The following RAP1GDS1 variants were observed in gnomAD, a reference collection of about 807,000 sequenced individuals.
The protein encoded by RAP1GDS1 is Rap1 GTPase-GDP dissociation stimulator 1.
A neutral mutation model predicts 71.1 loss-of-function variants in RAP1GDS1; 35 were observed. That is an observed-to-expected ratio of 0.49 (90% CI 0.38 to 0.65). The LOEUF is 0.65. Among genes scored for constraint, RAP1GDS1 ranks in the 30% least tolerant of loss-of-function variants. RAP1GDS1 has a pLI of 0.00. For missense variants in RAP1GDS1, 663 were observed against 706.1 expected, an observed-to-expected ratio of 0.94 and a Z score of 0.69; for synonymous variants, 229 against 243.1, an observed-to-expected ratio of 0.94 and a Z score of 0.54.
chr4:98,344,461 T>A (rs1232199244), intron 3 of RAP1GDS1, among the ~76,000 whole-genome samples: 14 of 152,204 alleles, frequency 9.2e-5, no homozygotes. Flanking sequence ...AAATCTTTTT[T>A]CTTAAGCATT....
chr4:98,414,351 C>T (rs1346988985), intron 7 of RAP1GDS1, among the ~76,000 whole-genome samples: 3 of 136,076 alleles, frequency 2.2e-5, no homozygotes, highest in East Asian at 2.0e-4. Context: ...GGTTTTAGGT[C>T]TAACATTTAA....
chr4:98,279,352 AG>A (rs1724712782), intron 1 of RAP1GDS1, among the ~76,000 whole-genome samples: 1 of 151,992 alleles, frequency 6.6e-6, no homozygotes, highest in Non-Finnish European at 1.5e-5. Flanking sequence ...TATATGCAAA[AG>A]AATTACATAA....
chr4:98,352,708 T>G, intron 4 of RAP1GDS1, 107 bp downstream of exon 4: 3 of 1,217,116 alleles, frequency 2.5e-6, no homozygotes, highest in Non-Finnish European at 3.4e-6. Flanking sequence ...AACACTAACA[T>G]GGGCCGGCAT....
intron 1 of RAP1GDS1, among the ~76,000 whole-genome samples, chr4:98,263,799 T>C (rs1313117327): frequency 6.6e-6 from 1 of 152,220 alleles, no homozygotes; most frequent in Non-Finnish European, 1.5e-5. Flanking sequence ...TGGTACATAT[T>C]ATCTAGTTGG....
At chr4:98,320,544 G>A (rs1161977294) in intron 2 of RAP1GDS1, among the ~76,000 whole-genome samples, 2 of 152,048 alleles carry the variant, frequency 1.3e-5, no homozygotes, top group Non-Finnish European at 2.9e-5. Context: ...GAAGAGAGCA[G>A]TGGTTCTCCC....
rs767141240 is a variant in RAP1GDS1, at chr4:98,379,088, A to G, written c.433A>G (p.Ser145Gly). 11 of 1,611,150 alleles carry G rather than the reference A, an allele frequency of 6.8e-6. No homozygotes were observed. The highest frequency in any genetic ancestry group is 1.3e-5 in the African/African-American group (1 of 74,796). Residue 145 changes from serine to glycine, a missense_variant, in exon 5 of 15, where the codon AGT becomes GGT. Coordinates refer to ENST00000408927, the MANE Select transcript of RAP1GDS1 (RefSeq NM_001100427.2). ...IVIDHLRSLC[S>G]ITDPANEKLL... is the part of the protein sequence containing the mutation. ...AATTGACCATTTAAGGTCACTGTGC[A>G]GTATAACAGATCCCGCCAATGAGAA...
rs1468076761 is a variant in RAP1GDS1, at chr4:98,332,724, G to T, written c.113-10415G>T. ...TAGGGAAATTAGATGGAATCTGTTA[G>T]AAGATGGCTAAGAGATTTTAGAATT... is the stretch of plus-strand genomic sequence containing the variant. On this transcript the variant is annotated intron_variant, in intron 2 of 14. Transcript: ENST00000408927. 2.0e-5 allele frequency among the ~76,000 whole-genome samples: 3 copies of T among 152,304 alleles called. No individual in the cohort carries two copies. The East Asian group carries it at 5.8e-4, about 29-fold the overall frequency.
chr4:98,327,609 A>G (rs965122913), intron 2 of RAP1GDS1, among the ~76,000 whole-genome samples: 10 of 152,140 alleles, frequency 6.6e-5, no homozygotes, highest in African/African-American at 1.9e-4. Flanking sequence ...CTTGATTTCA[A>G]CAGCTTTAAT....
At chr4:98,278,505 CTACT>C (rs1442948162) in intron 1 of RAP1GDS1, among the ~76,000 whole-genome samples, 1 of 152,108 alleles carries the variant, frequency 6.6e-6, no homozygotes, top group Non-Finnish European at 1.5e-5. Flanking sequence ...GCACAGTTAA[CTACT>C]TATGATCTAT....
intron 4 of RAP1GDS1, among the ~76,000 whole-genome samples, chr4:98,368,233 C>G (rs778127286): frequency 9.9e-5 from 15 of 152,178 alleles, no homozygotes; most frequent in Non-Finnish European, 1.0e-4. Context: ...ACTTGCTCCT[C>G]CTTGCCTTCT....
intron 12 of RAP1GDS1, among the ~76,000 whole-genome samples, chr4:98,426,457 A>G (rs981054981): frequency 6.6e-6 from 1 of 152,158 alleles, no homozygotes; most frequent in Non-Finnish European, 1.5e-5. Context: ...GAGAAGATGA[A>G]TAAGATTGAT....
chr4:98,352,469 T>C lies in RAP1GDS1; in HGVS notation c.236-7T>C. 6.2e-7 allele frequency: 1 copy of C among 1,612,478 alleles called. No individual in the cohort carries two copies. Among genetic ancestry groups the C allele is most frequent in the Middle Eastern group, 1.7e-4 (1 of 6,054 alleles). On this transcript the variant is annotated splice_region_variant and splice_polypyrimidine_tract_variant and intron_variant, in intron 3 of 14. Transcript: ENST00000408927. ...GATTTTTAATTAAACATGTCTCTTATTTTCAGAGTTTATGCGAATTCCATG... is the reference window on the plus strand; with the variant it reads ...GATTTTTAATTAAACATGTCTCTTACTTTCAGAGTTTATGCGAATTCCATG...
At chr4:98,360,532 T>C (rs1738583298) in intron 4 of RAP1GDS1, among the ~76,000 whole-genome samples, 1 of 152,198 alleles carries the variant, frequency 6.6e-6, no homozygotes, top group Non-Finnish European at 1.5e-5. Context: ...TCATTTCACC[T>C]GTTAAAGTCA....
intron 2 of RAP1GDS1, among the ~76,000 whole-genome samples, chr4:98,324,002 A>G: frequency 6.7e-6 from 1 of 150,182 alleles, no homozygotes; most frequent in East Asian, 2.0e-4. Context: ...TGCAGACGAC[A>G]TGATTGTTTA....
At chr4:98,286,843 G>A (rs1358613680) in intron 1 of RAP1GDS1, among the ~76,000 whole-genome samples, 2 of 139,016 alleles carry the variant, frequency 1.4e-5, no homozygotes, top group Admixed American at 7.8e-5. Flanking sequence ...CCAAGATCAC[G>A]TCATTGCACT....
chr4:98,415,914 T>C (rs1047393889), intron 7 of RAP1GDS1, among the ~76,000 whole-genome samples: 1 of 152,174 alleles, frequency 6.6e-6, no homozygotes, highest in Non-Finnish European at 1.5e-5. Flanking sequence ...CGACTTTATT[T>C]ATTTATTTAT....
chr4:98,404,357 TC>T lies in RAP1GDS1; in HGVS notation c.638-117del, dbSNP rs58883590. 863 of 934,280 alleles carry T rather than the reference TC, an allele frequency of 9.2e-4. 14 individuals carry two copies. In the African/African-American group the frequency reaches 0.014, roughly 15 times the overall value. 57.9% of individuals were successfully genotyped at this position (934,280 alleles called of 1,614,324 possible). On this transcript the variant is annotated intron_variant, in intron 6 of 14. Coordinates refer to ENST00000408927, the MANE Select transcript of RAP1GDS1 (RefSeq NM_001100427.2). ...GGACATTAAAAATGGATTTGATTGT[TC>T]CCATATTTGAAGAGTATTTGTATTT...
At chr4:98,373,484 G>A (rs1740707790) in intron 4 of RAP1GDS1, among the ~76,000 whole-genome samples, 2 of 150,310 alleles carry the variant, frequency 1.3e-5, no homozygotes, top group Admixed American at 6.7e-5. Context: ...TCCTTTGCTT[G>A]GGGTTCTCTA....
chr4:98,423,131 G>C (rs1749117989), intron 12 of RAP1GDS1, among the ~76,000 whole-genome samples: 1 of 152,236 alleles, frequency 6.6e-6, no homozygotes. Context: ...AGCTACGTAT[G>C]CTATTCGGGT....
Sources: gnomAD v4.1 joint callset for allele counts (sites outside exome capture counted in the v4.1 genomes callset) on GRCh38, gnomAD v4.1.1 for gene constraint, MANE v1.5 for transcripts, NCBI Gene and HGNC (gene_info 2026-07-23, HGNC 2026-07-21) for gene names.